Variants in FRMPD4 observed in about 807,000 individuals in gnomAD.
FRMPD4 encodes the protein FERM and PDZ domain-containing protein 4.
A neutral mutation model predicts 94.1 loss-of-function variants in FRMPD4; 22 were observed. The ratio of observed to expected loss-of-function variants is 0.23; its 90% confidence interval spans 0.17 to 0.33. The LOEUF (loss-of-function observed/expected upper bound fraction) is 0.33. Ranked by LOEUF, FRMPD4 falls within the 10% of genes least tolerant of loss-of-function variation. The probability of loss-of-function intolerance (pLI) is 1.00; values close to 1 mark genes in which losing one functional copy is unlikely to be tolerated. For synonymous variants in FRMPD4, 631 were observed against 548.6 expected, an observed-to-expected ratio of 1.15 and a Z score of -2.10; for missense variants, 1,111 against 1,339.9, an observed-to-expected ratio of 0.83 and a Z score of 2.67.
intron 1 of FRMPD4, among the ~76,000 whole-genome samples, chrX:11,845,246 A>G (rs1162724515): frequency 1.8e-5 from 2 of 111,849 alleles, no homozygotes; most frequent in Admixed American, 1.9e-4. Flanking sequence ...ATTCTTTCAA[A>G]CCCCAAGTAA....
At chrX:12,358,730 G>A (rs7891424) in intron 1 of FRMPD4, among the ~76,000 whole-genome samples, 34,319 of 111,078 alleles carry the variant, frequency 0.31, 4,718 homozygotes, top group African/African-American at 0.54. Flanking sequence ...ACCCAGGGAA[G>A]GAGAATTCAA....
At chrX:12,370,077 T>C (rs1324752272) in intron 1 of FRMPD4, among the ~76,000 whole-genome samples, 1 of 112,076 alleles carries the variant, frequency 8.9e-6, no homozygotes, top group Non-Finnish European at 1.9e-5. Context: ...AATTTTCCAA[T>C]TTTTTAAGAA....
At chrX:12,486,817 T>A (rs946526403) in intron 1 of FRMPD4, among the ~76,000 whole-genome samples, 3 of 111,740 alleles carry the variant, frequency 2.7e-5, no homozygotes, top group Non-Finnish European at 5.6e-5. Context: ...ATTATGTGGG[T>A]TAGGGCAAGG....
chrX:12,561,138 A>G (rs1394460586), intron 2 of FRMPD4, among the ~76,000 whole-genome samples: 1 of 111,406 alleles, frequency 9.0e-6, no homozygotes, highest in Admixed American at 9.5e-5. Context: ...TTATTTATCT[A>G]TTTTTACTTT....
At chrX:12,102,349 G>A (rs986234170) in intron 3 of FRMPD4, among the ~76,000 whole-genome samples, 5 of 111,690 alleles carry the variant, frequency 4.5e-5, no homozygotes, top group African/African-American at 9.8e-5. Context: ...AGCCGTCACC[G>A]TGTTTGGCTA....
At chrX:11,985,597 G>C (rs2054425163) in intron 3 of FRMPD4, among the ~76,000 whole-genome samples, 1 of 112,223 alleles carries the variant, frequency 8.9e-6, no homozygotes, top group African/African-American at 3.2e-5. Context: ...GGCTCTTGTG[G>C]TCCCTGAGTA....
At chrX:12,578,555 GATAT>G (rs57020025) in intron 2 of FRMPD4, among the ~76,000 whole-genome samples, 14 of 110,084 alleles carry the variant, frequency 1.3e-4, no homozygotes, top group Non-Finnish European at 2.7e-4. Context: ...TGTATTCTGA[GATAT>G]ATATATACAT....
intron 3 of FRMPD4, among the ~76,000 whole-genome samples, chrX:12,047,089 A>T (rs1330615793): frequency 9.1e-6 from 1 of 110,076 alleles, no homozygotes; most frequent in Non-Finnish European, 1.9e-5. Context: ...GGTTATATAT[A>T]TATATAGTTG....
chrX:11,825,754 A>C (rs2053440453), intron 1 of FRMPD4, among the ~76,000 whole-genome samples: 1 of 112,186 alleles, frequency 8.9e-6, no homozygotes, highest in Admixed American at 9.5e-5. Context: ...CCTCATTTTG[A>C]CAATGTGCTA....
At chrX:11,928,712 A>G (rs1295247989) in intron 3 of FRMPD4, among the ~76,000 whole-genome samples, 1 of 112,790 alleles carries the variant, frequency 8.9e-6, no homozygotes, top group Non-Finnish European at 1.9e-5. Context: ...TGATTCCTCA[A>G]AGACCTAAAG....
chrX:12,130,280 A>G (rs1076176), intron 3 of FRMPD4, among the ~76,000 whole-genome samples: 19,997 of 111,391 alleles, frequency 0.18, 1,249 homozygotes, highest in South Asian at 0.38. Context: ...TGTTCTCAAC[A>G]TCTTGACTTT....
chrX:12,160,861 T>C (rs1226976589), intron 1 of FRMPD4, among the ~76,000 whole-genome samples: 1 of 111,151 alleles, frequency 9.0e-6, no homozygotes, highest in African/African-American at 3.3e-5. Context: ...ATAGCAATGC[T>C]CTTTGTATTA....
intron 1 of FRMPD4, among the ~76,000 whole-genome samples, chrX:12,279,560 T>A (rs768027702): frequency 1.2e-4 from 13 of 112,066 alleles, no homozygotes; most frequent in African/African-American, 4.2e-4. Context: ...TGGGCTCTTG[T>A]TAGCCATGGC....
chrX:12,664,671 T>G (rs1357738960), intron 4 of FRMPD4, among the ~76,000 whole-genome samples: 1 of 111,921 alleles, frequency 8.9e-6, no homozygotes, highest in East Asian at 2.8e-4. Context: ...TCTCTTCTTT[T>G]GTTGTGTCTC....
Position 12,084,218 on chromosome X carries a change from G to C in FRMPD4, c.95+206200G>C, listed in dbSNP as rs147959641. Reference sequence around the variant, plus strand: ...TGAATCATGGGGGCTGGTCTTTCCTGTGCTATTCTCATGATAATGAATAAC... The same window carrying C: ...TGAATCATGGGGGCTGGTCTTTCCTCTGCTATTCTCATGATAATGAATAAC... On this transcript the variant is annotated intron_variant, in intron 3 of 18. Transcript: ENST00000640291. Among the ~76,000 whole-genome samples, 716 of 105,294 alleles carry C rather than the reference G, an allele frequency of 6.8e-3. 4 individuals are homozygous for C. Among genetic ancestry groups the C allele is most frequent in the African/African-American group, 0.024 (688 of 28,662 alleles). The allele number at this position is 105,294 out of a possible 115,157, so 91.4% of individuals were successfully genotyped here. A position where few individuals can be genotyped will look rare whatever the true frequency, so the allele number is the denominator to read the frequency against.
intron 1 of FRMPD4, among the ~76,000 whole-genome samples, chrX:12,149,646 T>C (rs750071479): frequency 1.6e-4 from 18 of 112,548 alleles, no homozygotes; most frequent in African/African-American, 5.2e-4. Flanking sequence ...GCTGTGAGCA[T>C]TGTTGAAATA....
chrX:11,919,209 C>G (rs2054042135), intron 3 of FRMPD4, among the ~76,000 whole-genome samples: 1 of 112,159 alleles, frequency 8.9e-6, no homozygotes, highest in South Asian at 3.7e-4. Flanking sequence ...ACCAGTAATA[C>G]CTCCCATCTC....
At chrX:12,056,782 C>T (rs2054856550) in intron 3 of FRMPD4, among the ~76,000 whole-genome samples, 1 of 111,851 alleles carries the variant, frequency 8.9e-6, no homozygotes, top group African/African-American at 3.2e-5. Flanking sequence ...GGCTATATAA[C>T]ATTTCATGAT....
intron 1 of FRMPD4, among the ~76,000 whole-genome samples, chrX:12,347,404 AT>A (rs1219620068): frequency 2.2e-4 from 23 of 104,614 alleles, no homozygotes; most frequent in Admixed American, 5.2e-4. Context: ...TGCTGGGCTA[AT>A]TTTTTTTTTT....
Sources: gnomAD v4.1 joint callset for allele counts (sites outside exome capture counted in the v4.1 genomes callset) on GRCh38, gnomAD v4.1.1 for gene constraint, MANE v1.5 for transcripts, NCBI Gene and HGNC (gene_info 2026-07-23, HGNC 2026-07-21) for gene names.